The following DCLRE1C variants were observed in gnomAD, a reference collection of about 807,000 sequenced individuals.
DCLRE1C encodes DNA cross-link repair 1C.
In DCLRE1C, 47 loss-of-function variants were observed where a neutral mutation model predicts 61.4. That is an observed-to-expected ratio of 0.77 (90% CI 0.61 to 0.98). The LOEUF (loss-of-function observed/expected upper bound fraction) is 0.98. Ranked by LOEUF, DCLRE1C falls within the 50% of genes least tolerant of loss-of-function variation. DCLRE1C has a pLI of 0.00. For missense variants in DCLRE1C, 858 were observed against 816.0 expected, an observed-to-expected ratio of 1.05 and a Z score of -0.63; for synonymous variants, 337 against 287.6, an observed-to-expected ratio of 1.17 and a Z score of -1.74.
chr10:14,913,004 C>T (rs952325570), intron 13 of DCLRE1C, among the ~76,000 whole-genome samples: 15 of 145,060 alleles, frequency 1.0e-4, no homozygotes, highest in African/African-American at 2.3e-4. Context: ...TACAGGCGCC[C>T]GCCACCACAC....
At chr10:14,930,370 C>T (rs1838780149) in intron 9 of DCLRE1C, among the ~76,000 whole-genome samples, 2 of 147,090 alleles carry the variant, frequency 1.4e-5, no homozygotes, top group African/African-American at 5.1e-5. Context: ...TAGACTCAAG[C>T]GATCCACCTG....
chr10:14,945,150 C>T lies in DCLRE1C; in HGVS notation c.201G>A (p.Glu67=), dbSNP rs751354763. ...VYLYCSPVTK[E]LLLTSPKYRF... ...TGTATTTCGGGCTCGTTAACAACAA[C>T]TCCTTAGTCACAGGTGAACAGTATA... Residue 67 remains glutamate (E), a synonymous_variant, in exon 3 of 14, where the codon GAG becomes GAA. Coordinates refer to ENST00000378278, the MANE Select transcript of DCLRE1C (RefSeq NM_001033855.3). 1 of 1,613,084 alleles carries T rather than the reference C, an allele frequency of 6.2e-7. No individual in the cohort carries two copies. Among genetic ancestry groups the T allele is most frequent in the East Asian group, 2.2e-5 (1 of 44,826 alleles).
chr10:14,910,733 A>C (rs1835116351), intron 13 of DCLRE1C, among the ~76,000 whole-genome samples: 1 of 152,238 alleles, frequency 6.6e-6, no homozygotes, highest in Non-Finnish European at 1.5e-5. Flanking sequence ...AAAGGCACAA[A>C]AGATTAAAGG....
intron 8 of DCLRE1C, among the ~76,000 whole-genome samples, chr10:14,933,713 A>C (rs1156677318): frequency 6.6e-6 from 1 of 152,190 alleles, no homozygotes; most frequent in Non-Finnish European, 1.5e-5. Context: ...ACTGCAAATA[A>C]TCCACTGCCA....
At chr10:14,942,258 A>C (rs1197600985) in intron 3 of DCLRE1C, 1 of 152,258 alleles carries the variant, frequency 6.6e-6, no homozygotes, top group East Asian at 1.9e-4. Context: ...GGCCAGAGGA[A>C]GTGAGAGACA....
In DCLRE1C at chr10:14,942,848, C is replaced by T. The variant is rs550610377; in HGVS notation, c.246+2257G>A. Among the ~76,000 whole-genome samples the T allele has an allele frequency of 1.2e-3, 189 of 152,114 alleles. 1 individual carries two copies. Among genetic ancestry groups the T allele is most frequent in the South Asian group, 7.9e-3 (38 of 4,814 alleles). On this transcript the variant is annotated intron_variant, in intron 3 of 13. Coordinates refer to ENST00000378278, the MANE Select transcript of DCLRE1C (RefSeq NM_001033855.3). ...AGCAGCTTAAGAGCAAACAGAAGCC[C>T]GGCATAGTGGCTCACACCTGTAATC...
At position 14,930,478 on chromosome 10, in the gene DCLRE1C, A is replaced by C. The variant is rs192967542; in HGVS notation, c.781-2326T>G. Among the ~76,000 whole-genome samples, 17 of 147,064 alleles carry C rather than the reference A, an allele frequency of 1.2e-4. No individual in the cohort carries two copies. The East Asian group carries it at 3.5e-3, about 30-fold the overall frequency. On this transcript the variant is annotated intron_variant, in intron 9 of 13. Transcript: ENST00000378278. ...GGCAGAGTCTTGCTCTGTCACCCAGACTGGAGTGCAGTGGTGACATCTTGG... is the reference window on the plus strand; with the variant it reads ...GGCAGAGTCTTGCTCTGTCACCCAGCCTGGAGTGCAGTGGTGACATCTTGG...
intron 12 of DCLRE1C, chr10:14,920,574 G>T (rs1391962357): frequency 1.5e-5 from 3 of 194,760 alleles, no homozygotes. Context: ...ACCTTTCCAG[G>T]AGTTCTGATC....
At chr10:14,924,597 C>T (rs1265199337) in intron 11 of DCLRE1C, among the ~76,000 whole-genome samples, 5 of 152,158 alleles carry the variant, frequency 3.3e-5, no homozygotes, top group Non-Finnish European at 7.3e-5. Flanking sequence ...ACCTGTAATT[C>T]CAGCACTTTG....
intron 9 of DCLRE1C, among the ~76,000 whole-genome samples, chr10:14,932,272 A>G (rs1029936739): frequency 2.0e-5 from 3 of 152,272 alleles, no homozygotes; most frequent in East Asian, 1.9e-4. Flanking sequence ...GTTATAAGCT[A>G]TAATATATTA....
At position 14,909,200 on chromosome 10, in the gene DCLRE1C, C is replaced by G. The variant is rs115081573; in HGVS notation, c.1287G>C (p.Leu429=). 62 of 1,614,088 alleles carry G rather than the reference C, an allele frequency of 3.8e-5. No homozygotes were observed. The African/African-American group carries it at 7.7e-4, about 20-fold the overall frequency. The change falls in exon 14 of 14, where the codon CTG becomes CTC. Residue 429 remains leucine (L), a synonymous_variant. Transcript: ENST00000378278. ...TAVSEKQPEK[L]RQTPGCCRAE... Reference sequence around the variant, plus strand: ...CTCTGCAGCATCCTGGGGTTTGTCTCAGTTTTTCAGGCTGCTTTTCTGATA... The same window carrying G: ...CTCTGCAGCATCCTGGGGTTTGTCTGAGTTTTTCAGGCTGCTTTTCTGATA...
chr10:14,936,126 T>C (rs964119540), intron 5 of DCLRE1C, among the ~76,000 whole-genome samples: 2 of 152,128 alleles, frequency 1.3e-5, no homozygotes, highest in Non-Finnish European at 2.9e-5. Context: ...ATTCCTGGCC[T>C]CAAGTGATGC....
chr10:14,926,841 ACCTCACT>A lies in DCLRE1C; in HGVS notation c.967_972+1del, dbSNP rs1253489089. 1.2e-6 allele frequency: 2 copies of A among 1,612,170 alleles called. No individual in the cohort carries two copies. The highest frequency in any genetic ancestry group is 1.7e-6 in the Non-Finnish European group (2 of 1,178,432). ...GGTTATGAGTATATGGGATCCTCTT[ACCTCACT>A]GTAGGAGGAGTGAAAAGAAAAACAA... On this transcript the variant is annotated splice_donor_variant and coding_sequence_variant, in exon 11 of 14. Transcript: ENST00000378278. LOFTEE classifies it high-confidence loss of function.
At chr10:14,936,502 C>T (rs1564446366) in intron 5 of DCLRE1C, 36 bp downstream of exon 5, 9 of 1,550,136 alleles carry the variant, frequency 5.8e-6, no homozygotes, top group Admixed American at 1.7e-5. Context: ...TATGTGTCTA[C>T]ATATAATAAA....
At chr10:14,909,411 T>C in intron 13 of DCLRE1C, 81 bp from the exon 14 acceptor site, 1 of 1,327,830 alleles carries the variant, frequency 7.5e-7, no homozygotes, top group Non-Finnish European at 1.0e-6. Context: ...TTTTAATTCT[T>C]GGAATTGCAA....
At chr10:14,925,631 C>G (rs925101615) in intron 11 of DCLRE1C, among the ~76,000 whole-genome samples, 5 of 152,146 alleles carry the variant, frequency 3.3e-5, no homozygotes, top group African/African-American at 1.2e-4. Flanking sequence ...ACATTGAACT[C>G]ATGGTCAATA....
At chr10:14,927,585 AAGGAGAGGGAGGGAAGAAGGGATGG>A (rs1345299060) in intron 10 of DCLRE1C, among the ~76,000 whole-genome samples, 1 of 121,704 alleles carries the variant, frequency 8.2e-6, no homozygotes, top group Non-Finnish European at 1.7e-5. Flanking sequence ...GGGGGGGAGA[AAGGAGAGGGAGGGAAGAAGGGATGG>A]AGGAGAGGGA....
chr10:14,946,961 C>T (rs1321115012), intron 2 of DCLRE1C, among the ~76,000 whole-genome samples: 1 of 152,132 alleles, frequency 6.6e-6, no homozygotes, highest in African/African-American at 2.4e-5. Flanking sequence ...CCTGTAATCC[C>T]AGCACTTTGG....
Position 14,909,111 on chromosome 10 carries a change from C to T in DCLRE1C, c.1376G>A (p.Ser459Asn), listed in dbSNP as rs747311091. Residue 459 changes from serine to asparagine, a missense_variant, in exon 14 of 14, where the codon AGT (serine) becomes AAT (asparagine). By Grantham distance (46) the Ser-to-Asn change is conservative. Coordinates refer to ENST00000378278, the MANE Select transcript of DCLRE1C (RefSeq NM_001033855.3). The part of the protein sequence containing the change: ...FVDCEESNSE[S>N]EEEVGIPASL... ...AGCTGGGATTCCTACTTCTTCTTCA[C>T]TTTCACTGTTGGATTCTTCACAATC... The T allele has an allele frequency of 1.9e-6, 3 of 1,614,204 alleles. No individual in the cohort carries two copies. Among genetic ancestry groups the T allele is most frequent in the Non-Finnish European group, 1.7e-6 (2 of 1,180,044 alleles).
Sources: gnomAD v4.1 joint callset for allele counts (sites outside exome capture counted in the v4.1 genomes callset) on GRCh38, gnomAD v4.1.1 for gene constraint, MANE v1.5 for transcripts, NCBI Gene and HGNC (gene_info 2026-07-23, HGNC 2026-07-21) for gene names.